Variants in RGS6 observed in about 807,000 individuals in gnomAD.
The protein encoded by RGS6 is regulator of G-protein signaling 6.
In RGS6, 30 loss-of-function variants were observed where a neutral mutation model predicts 78.5. The ratio of observed to expected loss-of-function variants is 0.38; its 90% CI spans 0.29 to 0.52. RGS6 has a LOEUF of 0.52. RGS6 is among the 20% of genes least tolerant of loss of function. The pLI is 0.85. For missense variants in RGS6, 495 were observed against 609.7 expected (o/e 0.81, Z 1.98); for synonymous variants, 206 against 206.0 (o/e 1.00, Z 0.00).
At chr14:72,234,073 C>T (rs1041353012) in intron 2 of RGS6, among the ~76,000 whole-genome samples, 3 of 152,040 alleles carry the variant, frequency 2.0e-5, no homozygotes, top group African/African-American at 7.2e-5. Context: ...GAGTCAAATT[C>T]TTAGAGTGTT....
rs1277852242 is a variant in RGS6 at position 72,352,102 on chromosome 14, A to C, written c.92A>C (p.Asp31Ala). The change falls in exon 3 of 18, where the codon GAC becomes GCC. Residue 31 changes from aspartate to alanine, a missense_variant. By Grantham distance (126) the Asp-to-Ala change is moderately radical (BLOSUM62 -2). Coordinates refer to ENST00000553525, the MANE Select transcript of RGS6 (RefSeq NM_001204424.2). ...TTCTTTAACCTCTTTCAGATTGAAG[A>C]CATCATTACAAAGATGCAAGATGAC... ...PNMIVYCKIEDIITKMQDDKT... is the reference protein window; with the variant it reads ...PNMIVYCKIEAIITKMQDDKT... 6.2e-7 allele frequency: 1 copy of C among 1,610,240 alleles called. No homozygotes were observed. The highest frequency in any genetic ancestry group is 8.5e-7 in the Non-Finnish European group (1 of 1,177,860).
intron 12 of RGS6, among the ~76,000 whole-genome samples, chr14:72,480,658 C>T (rs971234611): frequency 6.6e-6 from 1 of 152,056 alleles, no homozygotes; most frequent in African/African-American, 2.4e-5. Context: ...AGCTGGGAGC[C>T]GGGCCTGTCA....
chr14:72,317,536 A>G (rs932276169), intron 2 of RGS6, among the ~76,000 whole-genome samples: 4 of 152,166 alleles, frequency 2.6e-5, no homozygotes, highest in Non-Finnish European at 5.9e-5. Context: ...ATTCTAGCCA[A>G]GTGCTTCCTG....
At chr14:72,278,240 G>A (rs2061006368) in intron 2 of RGS6, among the ~76,000 whole-genome samples, 1 of 152,218 alleles carries the variant, frequency 6.6e-6, no homozygotes, top group South Asian at 2.1e-4. Flanking sequence ...TTTCAAAACA[G>A]TTGTGTCCAA....
intron 2 of RGS6, among the ~76,000 whole-genome samples, chr14:72,298,877 A>G (rs569666848): frequency 6.6e-6 from 1 of 152,310 alleles, no homozygotes; most frequent in East Asian, 1.9e-4. Flanking sequence ...TCAAACATTT[A>G]GTAGAATTTG....
At chr14:72,196,350 C>T (rs1430241832) in intron 2 of RGS6, among the ~76,000 whole-genome samples, 1 of 152,130 alleles carries the variant, frequency 6.6e-6, no homozygotes, top group Non-Finnish European at 1.5e-5. Context: ...CCTGGGATTT[C>T]CCCTCCTCAC....
At chr14:72,450,648 A>G (rs1364504678) in intron 3 of RGS6, among the ~76,000 whole-genome samples, 1 of 152,218 alleles carries the variant, frequency 6.6e-6, no homozygotes, top group Non-Finnish European at 1.5e-5. Flanking sequence ...GTCCTTGGCA[A>G]AGCAGCTTGA....
chr14:72,554,704 G>GAAGA (rs1410409491), intron 17 of RGS6, among the ~76,000 whole-genome samples: 1 of 152,196 alleles, frequency 6.6e-6, no homozygotes, highest in East Asian at 1.9e-4. Flanking sequence ...CAAGCTGAGA[G>GAAGA]AAGAAAGAGC....
At chr14:72,123,149 T>C (rs748691131) in intron 2 of RGS6, among the ~76,000 whole-genome samples, 5 of 152,190 alleles carry the variant, frequency 3.3e-5, no homozygotes, top group East Asian at 3.8e-4. Flanking sequence ...TATTTTTTAG[T>C]AGAGACACGG....
chr14:71,867,870 C>T, the RGS6 span, among the ~76,000 whole-genome samples: 2 of 152,068 alleles, frequency 1.3e-5, no homozygotes, highest in Non-Finnish European at 2.9e-5. Flanking sequence ...GCCAAGGCCT[C>T]CCAGGGAGGG....
intron 2 of RGS6, among the ~76,000 whole-genome samples, chr14:72,266,347 G>A (rs1015700832): frequency 2.6e-5 from 4 of 152,118 alleles, no homozygotes; most frequent in Non-Finnish European, 5.9e-5. Context: ...GAGAAAGGAA[G>A]TGTAAGTGGC....
At chr14:72,088,631 C>A (rs2095147593) in intron 2 of RGS6, among the ~76,000 whole-genome samples, 1 of 151,952 alleles carries the variant, frequency 6.6e-6, no homozygotes, top group South Asian at 2.1e-4. Context: ...CTGTCCTCTG[C>A]CAGAGTGATC....
At chr14:71,880,014 G>T in the RGS6 span, among the ~76,000 whole-genome samples, 76 of 152,338 alleles carry the variant, frequency 5.0e-4, 1 homozygote, top group South Asian at 8.5e-3. Flanking sequence ...ATAAAGTCCA[G>T]GCTGAGGTGG....
chr14:72,209,881 T>A (rs2043639822), intron 2 of RGS6, among the ~76,000 whole-genome samples: 3 of 152,214 alleles, frequency 2.0e-5, no homozygotes. Context: ...GCACTCTTGA[T>A]GAAACAATCT....
intron 2 of RGS6, among the ~76,000 whole-genome samples, chr14:72,030,325 T>C (rs2090634864): frequency 6.6e-6 from 1 of 152,048 alleles, no homozygotes; most frequent in Non-Finnish European, 1.5e-5. Context: ...AATTAAAAGA[T>C]AAAGACATGG....
chr14:72,221,650 T>A (rs1363758425), intron 2 of RGS6, among the ~76,000 whole-genome samples: 1 of 152,190 alleles, frequency 6.6e-6, no homozygotes, highest in Non-Finnish European at 1.5e-5. Flanking sequence ...ACCTAATTGA[T>A]ACATTCAGCC....
At chr14:72,313,007 C>T (rs767109255) in intron 2 of RGS6, among the ~76,000 whole-genome samples, 3 of 152,172 alleles carry the variant, frequency 2.0e-5, no homozygotes, top group South Asian at 4.1e-4. Context: ...GGCATTAACA[C>T]AGAATGACCT....
intron 3 of RGS6, among the ~76,000 whole-genome samples, chr14:72,427,909 G>A (rs1216936371): frequency 6.6e-6 from 1 of 152,144 alleles, no homozygotes; most frequent in Non-Finnish European, 1.5e-5. Flanking sequence ...TGAGAGAAAG[G>A]AGGAATGTCG....
chr14:72,145,415 G>T (rs749012680), intron 2 of RGS6, among the ~76,000 whole-genome samples: 2 of 152,138 alleles, frequency 1.3e-5, no homozygotes, highest in African/African-American at 2.4e-5. Context: ...ACAGCTTAAA[G>T]GATAGAAACA....
Sources: allele counts gnomAD v4.1 joint callset (sites outside exome capture counted in the v4.1 genomes callset), GRCh38; gene constraint gnomAD v4.1.1; transcripts MANE v1.5; gene names NCBI Gene and HGNC (gene_info 2026-07-23, HGNC 2026-07-21).